Variants in SFMBT2 observed in about 807,000 individuals in gnomAD.
The protein encoded by SFMBT2 is Scm like with four mbt domains 2.
A neutral mutation model predicts 110.1 loss-of-function variants in SFMBT2; 38 were observed. The ratio of observed to expected loss-of-function variants is 0.35; its 90% CI spans 0.27 to 0.45. The LOEUF is 0.45. SFMBT2 is among the 20% of genes least tolerant of loss of function. SFMBT2 has a pLI of 1.00. For missense variants in SFMBT2, 1,011 were observed against 1,094.9 expected, an observed-to-expected ratio of 0.92 and a Z score of 1.08; for synonymous variants, 425 against 425.4, an observed-to-expected ratio of 1.00 and a Z score of 0.01.
chr10:7,322,218 A>G (rs979888816), intron 4 of SFMBT2, among the ~76,000 whole-genome samples: 3 of 152,176 alleles, frequency 2.0e-5, no homozygotes, highest in African/African-American at 7.2e-5. Flanking sequence ...TATACATGGG[A>G]GTTCCCATGC....
intron 9 of SFMBT2, 121 bp from the exon 10 acceptor site, chr10:7,228,058 G>A (rs1048423539): frequency 7.7e-6 from 5 of 645,892 alleles, no homozygotes; most frequent in African/African-American, 3.8e-5. Flanking sequence ...ATGCCTAACA[G>A]CACTTCAGAT....
At chr10:7,333,720 T>TTCTC (rs1291909889) in intron 4 of SFMBT2, among the ~76,000 whole-genome samples, 1 of 146,966 alleles carries the variant, frequency 6.8e-6, no homozygotes, top group East Asian at 2.0e-4. Flanking sequence ...CCTCCCCGCT[T>TTCTC]TCTCTCTCTC....
rs1844946436 is a variant in SFMBT2 at position 7,367,560 on chromosome 10, T to C, written c.436+89A>G. The C allele has an allele frequency of 7.2e-6, 11 of 1,523,970 alleles. No individual in the cohort carries two copies. Among genetic ancestry groups the C allele is most frequent in the Non-Finnish European group, 8.8e-6 (10 of 1,140,830 alleles). 94.4% of individuals were successfully genotyped at this position (1,523,970 alleles called of 1,614,324 possible). A position where few individuals can be genotyped will look rare whatever the true frequency, so the allele number is the denominator to read the frequency against. On this transcript the variant is annotated intron_variant, in intron 4 of 20. Coordinates refer to ENST00000397167, the MANE Select transcript of SFMBT2 (RefSeq NM_001387889.1). The surrounding 1 kb of genome is among the most constrained non-coding windows in gnomAD (Gnocchi z 6.2). ...TTTGCACTAAGACCATTAGGGATTC[T>C]ACGCAAGGTTCTCTCTGCTCCTTGC...
chr10:7,196,780 C>T (rs989239917), intron 15 of SFMBT2, among the ~76,000 whole-genome samples: 4 of 152,066 alleles, frequency 2.6e-5, no homozygotes, highest in Non-Finnish European at 4.4e-5. Flanking sequence ...AGTACGGATA[C>T]GTGTAAGAAA....
intron 14 of SFMBT2, among the ~76,000 whole-genome samples, chr10:7,198,857 AT>A (rs1456952067): frequency 6.6e-6 from 1 of 152,198 alleles, no homozygotes; most frequent in Non-Finnish European, 1.5e-5. Context: ...CCTGGCCAAC[AT>A]GGTGAGACCT....
At chr10:7,362,349 T>A (rs1397505492) in intron 4 of SFMBT2, among the ~76,000 whole-genome samples, 1 of 152,214 alleles carries the variant, frequency 6.6e-6, no homozygotes, top group East Asian at 1.9e-4. Flanking sequence ...TTCTCCTTCC[T>A]TGTACCATTT....
chr10:7,364,020 A>T (rs1844812119), intron 4 of SFMBT2, among the ~76,000 whole-genome samples: 1 of 152,160 alleles, frequency 6.6e-6, no homozygotes, highest in Non-Finnish European at 1.5e-5. Context: ...GGTCTCTAAG[A>T]CAGAAAAAAA....
At chr10:7,300,763 T>C (rs1588430344) in intron 4 of SFMBT2, among the ~76,000 whole-genome samples, 1 of 152,266 alleles carries the variant, frequency 6.6e-6, no homozygotes, top group East Asian at 1.9e-4. Context: ...TGCACAAATG[T>C]ATTTTTAAGA....
At chr10:7,391,162 A>G (rs1017210698) in intron 1 of SFMBT2, among the ~76,000 whole-genome samples, 6 of 151,684 alleles carry the variant, frequency 4.0e-5, no homozygotes, top group Middle Eastern at 3.4e-3. Flanking sequence ...ACCAACAAGA[A>G]AGCCACTGAA....
At chr10:7,199,562 G>A (rs1838886743) in intron 14 of SFMBT2, among the ~76,000 whole-genome samples, 1 of 152,214 alleles carries the variant, frequency 6.6e-6, no homozygotes, top group Non-Finnish European at 1.5e-5. Context: ...TGAAAGGGTA[G>A]CTGTCATGGT....
At chr10:7,285,247 T>C (rs974234350) in intron 5 of SFMBT2, 1 of 152,254 alleles carries the variant, frequency 6.6e-6, no homozygotes, top group African/African-American at 2.4e-5. Flanking sequence ...ATATACATAC[T>C]AAGATGTTTC....
intron 4 of SFMBT2, among the ~76,000 whole-genome samples, chr10:7,342,439 C>T (rs976785067): frequency 1.2e-4 from 14 of 117,390 alleles, no homozygotes; most frequent in East Asian, 2.6e-4. Context: ...GACAGAGTCT[C>T]GCTCTGTCGC....
At chr10:7,250,239 T>C (rs1433125114) in intron 7 of SFMBT2, among the ~76,000 whole-genome samples, 2 of 152,028 alleles carry the variant, frequency 1.3e-5, no homozygotes, top group Admixed American at 6.6e-5. Context: ...ATGACTCATT[T>C]CCCCCCTCCC....
chr10:7,375,751 CCACACACACACACACACACACACA>C (rs35306837), intron 2 of SFMBT2, among the ~76,000 whole-genome samples: 7 of 124,676 alleles, frequency 5.6e-5, no homozygotes, highest in East Asian at 4.9e-4. Context: ...AAAGAAAAAA[CCACACACACACACACACACACACA>C]CACACACACA....
chr10:7,271,306 A>T (rs957484796), intron 7 of SFMBT2, among the ~76,000 whole-genome samples: 2 of 151,652 alleles, frequency 1.3e-5, no homozygotes, highest in Non-Finnish European at 2.9e-5. Flanking sequence ...AAAAAAAAAA[A>T]AAAAATTAAA....
chr10:7,344,260 G>A (rs558211991), intron 4 of SFMBT2, among the ~76,000 whole-genome samples: 1 of 152,176 alleles, frequency 6.6e-6, no homozygotes, highest in African/African-American at 2.4e-5. Flanking sequence ...GTTTGGCTGT[G>A]TCCCCAACCA....
At chr10:7,346,778 T>C (rs984051054) in intron 4 of SFMBT2, among the ~76,000 whole-genome samples, 10 of 142,082 alleles carry the variant, frequency 7.0e-5, no homozygotes, top group Non-Finnish European at 1.2e-4. Context: ...GAGACCAGCC[T>C]GGCCAACATG....
Position 7,188,733 on chromosome 10 carries a change from C to T in SFMBT2, c.1699G>A (p.Val567Ile). ...GCTGCGTTGATTATCATGCTAAGAACCTTTTGGGGAAAAAAATAAGCAGAC... is the reference window on the plus strand; with the variant it reads ...GCTGCGTTGATTATCATGCTAAGAATCTTTTGGGGAAAAAAATAAGCAGAC... ...PGKCVLVLKEVLSMIINAAYK... is the reference protein window; with the variant it reads ...PGKCVLVLKEILSMIINAAYK... The change falls in exon 16 of 21, where the codon GTT becomes ATT. Residue 567 changes from valine to isoleucine, a missense_variant and splice_region_variant. By Grantham distance (29) the Val-to-Ile change is conservative. This residue lies in a region of SFMBT2 where 979 missense variants were observed against 1,016.1 expected (regional missense o/e 0.96). Coordinates refer to ENST00000397167, the MANE Select transcript of SFMBT2 (RefSeq NM_001387889.1). 6.2e-7 allele frequency: 1 copy of T among 1,608,782 alleles called. No homozygotes were observed.
chr10:7,308,832 C>G (rs970852448), intron 4 of SFMBT2, among the ~76,000 whole-genome samples: 1 of 152,184 alleles, frequency 6.6e-6, no homozygotes, highest in African/African-American at 2.4e-5. Context: ...GAAGCCTGCA[C>G]AGTAAACAAT....
Sources: gnomAD v4.1 joint callset for allele counts (sites outside exome capture counted in the v4.1 genomes callset) on GRCh38, gnomAD v4.1.1 for gene constraint, gnomAD v4.1.1 regional missense constraint, Gnocchi (gnomAD v3.1) non-coding constraint, MANE v1.5 for transcripts, NCBI Gene and HGNC (gene_info 2026-07-23, HGNC 2026-07-21) for gene names.